Variants in MTO1 observed in about 807,000 individuals in gnomAD.
MTO1 encodes mitochondrial tRNA translation optimization 1.
In MTO1, 46 loss-of-function variants were observed where a neutral mutation model predicts 71.6. That is an observed-to-expected ratio of 0.64 (90% CI 0.51 to 0.82). MTO1 has a LOEUF of 0.82. MTO1 is among the 40% of genes least tolerant of loss of function. The pLI is 0.00. For missense variants in MTO1, 773 were observed against 867.5 expected (o/e 0.89, Z 1.37); for synonymous variants, 297 against 312.1 (o/e 0.95, Z 0.51).
chr6:73,491,770 T>C (rs938326327), intron 9 of MTO1, among the ~76,000 whole-genome samples: 2 of 152,212 alleles, frequency 1.3e-5, no homozygotes, highest in Admixed American at 6.6e-5. Flanking sequence ...ATACATCTTA[T>C]TGAGGTGCTA....
At chr6:73,482,293 C>G (rs759991765) in intron 8 of MTO1, 49 bp downstream of exon 8, 1 of 1,599,226 alleles carries the variant, frequency 6.3e-7, no homozygotes, top group Admixed American at 1.7e-5. Context: ...GTGGCTCACA[C>G]CTATAATCCA....
chr6:73,489,619 C>CT (rs1396755415), intron 9 of MTO1, among the ~76,000 whole-genome samples: 2 of 152,000 alleles, frequency 1.3e-5, no homozygotes, highest in Non-Finnish European at 2.9e-5. Context: ...ATGAACTCAT[C>CT]TTTTTTTATG....
Position 73,461,814 on chromosome 6 carries a change from A to T in MTO1, c.-41A>T, listed in dbSNP as rs1410662170. 6.3e-7 allele frequency: 1 copy of T among 1,589,726 alleles called. No individual in the cohort carries two copies. The highest frequency in any genetic ancestry group is 1.1e-5 in the South Asian group (1 of 90,066). ...TGTTGCGTAAGTTTTTTTGACCGTC[A>T]CTCGTGTCAGCTTCAAAGTCAGATA... On this transcript the variant is annotated 5_prime_UTR_variant, in exon 1 of 12. Coordinates refer to ENST00000498286, the MANE Select transcript of MTO1 (RefSeq NM_012123.4).
At chr6:73,486,690 ATC>A in intron 9 of MTO1, 3 of 363,156 alleles carry the variant, frequency 8.3e-6, no homozygotes, top group Non-Finnish European at 1.7e-5. Flanking sequence ...GTGAGCCGAG[ATC>A]AAGCCATTGC....
chr6:73,471,692 A>G lies in MTO1; in HGVS notation c.536-1673A>G, dbSNP rs1463159998. 6 of 170,256 alleles carry G rather than the reference A, an allele frequency of 3.5e-5. No homozygotes were observed. The South Asian group carries it at 6.9e-4, about 20-fold the overall frequency. The allele number at this position is 170,256 out of a possible 1,614,324, so 10.5% of individuals were successfully genotyped here. A position where few individuals can be genotyped will look rare whatever the true frequency, so the allele number is the denominator to read the frequency against. ...CCCAGTCTCTCAAAGTGTTCATATT[A>G]TAGTCATGAGCCACTGAGCCTGGCC... On this transcript the variant is annotated intron_variant, in intron 3 of 11. Transcript: ENST00000498286.
chr6:73,477,829 A>G (rs1436015843), intron 4 of MTO1, among the ~76,000 whole-genome samples: 3 of 152,104 alleles, frequency 2.0e-5, no homozygotes, highest in East Asian at 1.9e-4. Flanking sequence ...TTTATTCCCA[A>G]TCAAGGGTCA....
At chr6:73,482,749 C>T (rs2150037619) in intron 9 of MTO1, 129 bp downstream of exon 9, 33 of 442,678 alleles carry the variant, frequency 7.5e-5, no homozygotes, top group South Asian at 2.6e-4. Flanking sequence ...TTTTTGGCTT[C>T]TTTTCAAAAT....
intron 1 of MTO1, among the ~76,000 whole-genome samples, chr6:73,462,667 G>A (rs1314071552): frequency 6.6e-6 from 1 of 152,122 alleles, no homozygotes; most frequent in Non-Finnish European, 1.5e-5. Flanking sequence ...GGCAGAGGTT[G>A]CAGTGAGCCG....
intron 4 of MTO1, among the ~76,000 whole-genome samples, chr6:73,478,225 A>T (rs1042506777): frequency 4.0e-5 from 6 of 150,694 alleles, no homozygotes; most frequent in Non-Finnish European, 7.4e-5. Flanking sequence ...CAGCCTGGCG[A>T]CAGAGCAAGA....
chr6:73,462,217 C>T (rs993118294), intron 1 of MTO1, 146 bp downstream of exon 1: 6 of 868,024 alleles, frequency 6.9e-6, no homozygotes, highest in South Asian at 5.0e-5. Context: ...ATCAGTGTCT[C>T]GCAAGGATCA....
intron 4 of MTO1, among the ~76,000 whole-genome samples, chr6:73,478,892 CT>C (rs1352190387): frequency 1.2e-3 from 159 of 134,052 alleles, no homozygotes; most frequent in Middle Eastern, 4.3e-3. Context: ...TTTTTTTTTT[CT>C]TTTTTTTTTT....
intron 9 of MTO1, among the ~76,000 whole-genome samples, chr6:73,482,940 T>C (rs1010433705): frequency 2.0e-5 from 3 of 151,672 alleles, no homozygotes; most frequent in Non-Finnish European, 4.4e-5. Context: ...TACAGGCGCC[T>C]GCCACCGCGC....
intron 9 of MTO1, among the ~76,000 whole-genome samples, chr6:73,483,415 G>GA (rs981164113): frequency 3.2e-4 from 49 of 151,330 alleles, no homozygotes; most frequent in African/African-American, 1.1e-3. Context: ...TCAAAGAAAA[G>GA]AAAAAATCAC....
intron 11 of MTO1, 28 bp downstream of exon 11, chr6:73,497,924 CA>C (rs770470782): frequency 1.0e-5 from 16 of 1,580,866 alleles, no homozygotes; most frequent in Middle Eastern, 1.7e-4. Context: ...AGAATAGAAA[CA>C]AGTTATAGAT....
At position 73,502,973 on chromosome 6, in the gene MTO1, T is replaced by C. The variant is rs1466346264; in HGVS notation, c.*2238T>C. 1 of 152,154 alleles carries C rather than the reference T, an allele frequency of 6.6e-6. No individual in the cohort carries two copies. The highest frequency in any genetic ancestry group is 1.5e-5 in the Non-Finnish European group (1 of 68,034). The allele number at this position is 152,154 out of a possible 1,614,324, so 9.4% of individuals were successfully genotyped here. A position where few individuals can be genotyped will look rare whatever the true frequency, so the allele number is the denominator to read the frequency against. On this transcript the variant is annotated 3_prime_UTR_variant, in exon 12 of 12. Transcript: ENST00000498286. ...CTACAATTTGGGGCTAGTGACACTA[T>C]ACACATATAAAGAAACTTTAAAGTT...
chr6:73,469,944 G>T (rs1771101783), intron 3 of MTO1, among the ~76,000 whole-genome samples: 1 of 152,192 alleles, frequency 6.6e-6, no homozygotes, highest in African/African-American at 2.4e-5. Flanking sequence ...GGTGCGGGTT[G>T]TGGTAAGCCG....
At chr6:73,462,410 G>A (rs1770851744) in intron 1 of MTO1, 1 of 327,582 alleles carries the variant, frequency 3.1e-6, no homozygotes, top group Admixed American at 4.5e-5. Flanking sequence ...TGTTACTCCA[G>A]ATAAAGGGTG....
intron 4 of MTO1, among the ~76,000 whole-genome samples, chr6:73,477,240 A>G (rs1393419767): frequency 6.6e-6 from 1 of 151,234 alleles, no homozygotes; most frequent in East Asian, 2.0e-4. Flanking sequence ...TACTAAAAAT[A>G]CAAAAATTAG....
At chr6:73,467,316 A>G (rs999466665) in intron 3 of MTO1, among the ~76,000 whole-genome samples, 18 of 152,130 alleles carry the variant, frequency 1.2e-4, no homozygotes, top group African/African-American at 4.3e-4. Flanking sequence ...CCTGTGTCAA[A>G]AAAAAATAAA....
Sources: allele counts gnomAD v4.1 joint callset (sites outside exome capture counted in the v4.1 genomes callset), GRCh38; gene constraint gnomAD v4.1.1; transcripts MANE v1.5; gene names NCBI Gene and HGNC (gene_info 2026-07-23, HGNC 2026-07-21).